Variants in MPDZ observed in about 807,000 individuals in gnomAD.
The protein encoded by MPDZ is multiple PDZ domain protein.
In MPDZ, 234 loss-of-function variants were observed where a neutral mutation model predicts 239.1. The observed-to-expected ratio is 0.98, with a 90% CI of 0.88 to 1.09. The LOEUF (loss-of-function observed/expected upper bound fraction) is 1.09, where lower values mean the gene tolerates loss of function less well. Among genes scored for constraint, MPDZ ranks in the 50% least tolerant of loss-of-function variants. The pLI is 0.00. For missense variants in MPDZ, 3,175 were observed against 2,510.0 expected (o/e 1.26, Z -5.66); for synonymous variants, 1,048 against 881.3 (o/e 1.19, Z -3.35).
At chr9:13,259,795 T>C (rs1345141353) in intron 1 of MPDZ, among the ~76,000 whole-genome samples, 3 of 152,128 alleles carry the variant, frequency 2.0e-5, no homozygotes, top group Non-Finnish European at 4.4e-5. Flanking sequence ...AAGGCTGAAT[T>C]ACTGAGGGTC....
chr9:13,201,327 G>A (rs746354320), intron 12 of MPDZ, among the ~76,000 whole-genome samples: 1 of 151,326 alleles, frequency 6.6e-6, no homozygotes, highest in Non-Finnish European at 1.5e-5. Context: ...TGAATGTGGT[G>A]TTTCTTTTCT....
chr9:13,116,416 T>A (rs1227283394), intron 39 of MPDZ, among the ~76,000 whole-genome samples: 3 of 152,200 alleles, frequency 2.0e-5, no homozygotes, highest in African/African-American at 7.2e-5. Context: ...TGGAGTAAGA[T>A]TAATATAAAT....
At chr9:13,215,710 T>C (rs1958214558) in intron 10 of MPDZ, among the ~76,000 whole-genome samples, 1 of 146,066 alleles carries the variant, frequency 6.8e-6, no homozygotes, top group Admixed American at 6.9e-5. Context: ...AAAAGTTTAG[T>C]AAACACTAAG....
At chr9:13,279,242 G>GCCACCCCGACCC in intron 1 of MPDZ, 158 bp downstream of exon 1, 1 of 86,070 alleles carries the variant, frequency 1.2e-5, no homozygotes, top group Non-Finnish European at 2.4e-5. Flanking sequence ...ACGGCCCGCC[G>GCCACCCCGACCC]CCACCCCTAC....
At chr9:13,177,479 A>G (rs181294140) in intron 19 of MPDZ, among the ~76,000 whole-genome samples, 3 of 152,202 alleles carry the variant, frequency 2.0e-5, no homozygotes, top group Non-Finnish European at 4.4e-5. Flanking sequence ...ACACACTCAC[A>G]CATACAAGCA....
chr9:13,173,471 G>A (rs1952048111), intron 21 of MPDZ, among the ~76,000 whole-genome samples: 1 of 152,096 alleles, frequency 6.6e-6, no homozygotes, highest in African/African-American at 2.4e-5. Context: ...GGGAGGCGGA[G>A]ATGGGTGGAT....
intron 10 of MPDZ, among the ~76,000 whole-genome samples, chr9:13,213,642 T>G (rs1227666141): frequency 6.6e-6 from 1 of 152,110 alleles, no homozygotes; most frequent in South Asian, 2.1e-4. Context: ...AAAGAATGTT[T>G]GCTAAAAATT....
At chr9:13,261,162 C>T (rs552420592) in intron 1 of MPDZ, among the ~76,000 whole-genome samples, 28 of 152,174 alleles carry the variant, frequency 1.8e-4, no homozygotes, top group Non-Finnish European at 4.0e-4. Flanking sequence ...GATGAAGAAG[C>T]TAAAATGGGG....
At chr9:13,214,363 G>C (rs1958012073) in intron 10 of MPDZ, among the ~76,000 whole-genome samples, 2 of 151,984 alleles carry the variant, frequency 1.3e-5, no homozygotes, top group Non-Finnish European at 2.9e-5. Flanking sequence ...GAAATATCCA[G>C]AACAGGCAAA....
At chr9:13,227,413 A>T (rs889599035) in intron 3 of MPDZ, among the ~76,000 whole-genome samples, 6 of 152,082 alleles carry the variant, frequency 3.9e-5, no homozygotes, top group Admixed American at 1.3e-4. Flanking sequence ...ACTTCAATAA[A>T]GTTTGCCAGC....
intron 21 of MPDZ, among the ~76,000 whole-genome samples, chr9:13,171,989 CT>C (rs1951837310): frequency 6.6e-6 from 1 of 152,136 alleles, no homozygotes; most frequent in Non-Finnish European, 1.5e-5. Context: ...CTTTTTGTTA[CT>C]TTAAGTTATA....
At chr9:13,130,452 T>C (rs1945809255) in intron 32 of MPDZ, among the ~76,000 whole-genome samples, 1 of 1,016 alleles carries the variant, frequency 9.8e-4, no homozygotes, top group Admixed American at 0.029. Flanking sequence ...CCTTCGCAGA[T>C]ACTTACAGTC....
chr9:13,253,436 C>T (rs1452139828), intron 1 of MPDZ, among the ~76,000 whole-genome samples: 1 of 152,144 alleles, frequency 6.6e-6, no homozygotes, highest in African/African-American at 2.4e-5. Context: ...GCCTGATACT[C>T]CTGTACTGAG....
At position 13,219,745 on chromosome 9, in the gene MPDZ, G is replaced by A. The variant is rs537080088; in HGVS notation, c.900C>T (p.Asp300=). Residue 300 remains aspartate, a synonymous_variant, in exon 8 of 47, where the codon GAC becomes GAT. Transcript: ENST00000319217. ...CTGTGTCACCAATCTTTAGAATGTGGTCTCCACTGCATAAACGCCCATGCT... is the reference window on the plus strand; with the variant it reads ...CTGTGTCACCAATCTTTAGAATGTGATCTCCACTGCATAAACGCCCATGCT... ...ADQHGRLCSG[D]HILKIGDTDL... 3 of 1,612,474 alleles carry A rather than the reference G, an allele frequency of 1.9e-6. No homozygotes were observed. Among genetic ancestry groups the A allele is most frequent in the Non-Finnish European group, 2.5e-6 (3 of 1,179,084 alleles).
chr9:13,207,808 C>T (rs1412107), intron 10 of MPDZ, among the ~76,000 whole-genome samples: 151,643 of 152,336 alleles, frequency 1, 75,480 homozygotes, highest in Middle Eastern at 1. Context: ...TATTAAAATA[C>T]AGAGCCATTG....
chr9:13,225,820 T>G (rs930051302), intron 3 of MPDZ, among the ~76,000 whole-genome samples: 11 of 152,022 alleles, frequency 7.2e-5, no homozygotes, highest in Admixed American at 2.0e-4. Context: ...ATACATATTG[T>G]CACACATCGA....
rs577457297 is a variant in MPDZ, at chr9:13,160,869, T to A, written c.3359+1822A>T. Among the ~76,000 whole-genome samples the A allele has an allele frequency of 3.2e-3, 404 of 127,752 alleles. 2 individuals are homozygous for A. Among genetic ancestry groups the A allele is most frequent in the African/African-American group, 9.4e-3 (320 of 34,218 alleles). The allele number at this position is 127,752 out of a possible 152,430, so 83.8% of individuals were successfully genotyped here. ...ATATATATATATATATATATATATA[T>A]AAAACAGGTACTTACATAGCTTTTA... On this transcript the variant is annotated intron_variant, in intron 23 of 46. Transcript: ENST00000319217.
chr9:13,213,851 T>C (rs1051580634), intron 10 of MPDZ, among the ~76,000 whole-genome samples: 2 of 152,046 alleles, frequency 1.3e-5, no homozygotes, highest in African/African-American at 4.8e-5. Context: ...TGAGACTCTT[T>C]CAATGATAGC....
chr9:13,200,866 T>C (rs1956300175), intron 12 of MPDZ, among the ~76,000 whole-genome samples: 1 of 152,006 alleles, frequency 6.6e-6, no homozygotes, highest in Non-Finnish European at 1.5e-5. Flanking sequence ...CATATGTTGT[T>C]GAAAAAAATG....
Sources: allele counts gnomAD v4.1 joint callset (sites outside exome capture counted in the v4.1 genomes callset), GRCh38; gene constraint gnomAD v4.1.1; transcripts MANE v1.5; gene names NCBI Gene and HGNC (gene_info 2026-07-23, HGNC 2026-07-21).